Variants in MAP9 observed in about 807,000 individuals in gnomAD.
MAP9 encodes microtubule associated protein 9.
In MAP9, 80 loss-of-function variants were observed where a neutral mutation model predicts 75.2. The observed-to-expected ratio is 1.06, with a 90% CI of 0.89 to 1.28. The LOEUF (loss-of-function observed/expected upper bound fraction) is 1.28. MAP9 is among the 50% of genes most tolerant of loss of function. The pLI, the probability that MAP9 is intolerant of heterozygous loss-of-function variation, is 0.00. For synonymous variants in MAP9, 235 were observed against 237.3 expected, an observed-to-expected ratio of 0.99 and a Z score of 0.09; for missense variants, 753 against 719.9, an observed-to-expected ratio of 1.05 and a Z score of -0.53.
intron 2 of MAP9, 101 bp from the exon 3 acceptor site, chr4:155,375,122 A>T: frequency 3.6e-6 from 3 of 826,000 alleles, no homozygotes; most frequent in Non-Finnish European, 5.6e-6. Flanking sequence ...ACTGCTTTCA[A>T]ACTTAGGTTT....
chr4:155,355,599 C>G (rs1560805857), intron 9 of MAP9, 117 bp downstream of exon 9: 4 of 743,140 alleles, frequency 5.4e-6, no homozygotes, highest in Non-Finnish European at 6.0e-6. Context: ...AACTCTTTCT[C>G]AATAAATTTA....
chr4:155,368,606 A>G lies in MAP9; in HGVS notation c.688T>C (p.Ser230Pro). The part of the protein sequence containing the change: ...IQLEAEKKAF[S>P]ENLDPEDSCL... ...CTAACCTCAGGATCAAGGTTTTCAG[A>G]GAATGCTTTTTTCTCAGCTTCTAAT... The change falls in exon 5 of 14, where the codon TCT (serine) becomes CCT (proline). Residue 230 changes from serine to proline, a missense_variant. By Grantham distance (74) the Ser-to-Pro change is moderately conservative. Coordinates refer to ENST00000311277, the MANE Select transcript of MAP9 (RefSeq NM_001039580.2). 1 of 1,614,100 alleles carries G rather than the reference A, an allele frequency of 6.2e-7. No individual in the cohort carries two copies. Among genetic ancestry groups the G allele is most frequent in the Non-Finnish European group, 8.5e-7 (1 of 1,179,940 alleles).
chr4:155,357,123 A>G (rs1731829115), intron 8 of MAP9: 1 of 233,164 alleles, frequency 4.3e-6, no homozygotes, highest in Non-Finnish European at 8.2e-6. Flanking sequence ...TTCCAGAAGC[A>G]GTCTGGAGCA....
intron 7 of MAP9, 140 bp from the exon 8 acceptor site, chr4:155,357,659 G>A: frequency 1.6e-6 from 1 of 618,578 alleles, no homozygotes; most frequent in Non-Finnish European, 2.9e-6. Context: ...GCAAATCAGT[G>A]AATAAAATGC....
intron 5 of MAP9, chr4:155,362,403 A>AT (rs1732130867): frequency 1.7e-5 from 5 of 295,832 alleles, no homozygotes; most frequent in South Asian, 1.1e-4. Flanking sequence ...CTCTCTATTT[A>AT]TTTTTTACCA....
rs1378789967 is a variant in MAP9 at position 155,343,025 on chromosome 4, C to T, written c.*4758G>A. 5 of 151,842 alleles carry T rather than the reference C, an allele frequency of 3.3e-5. No individual in the cohort carries two copies. Among genetic ancestry groups the T allele is most frequent in the Admixed American group, 3.3e-4 (5 of 15,240 alleles). The allele number at this position is 151,842 out of a possible 1,614,324, so 9.4% of individuals were successfully genotyped here. A position where few individuals can be genotyped will look rare whatever the true frequency, so the allele number is the denominator to read the frequency against. On this transcript the variant is annotated 3_prime_UTR_variant, in exon 14 of 14. Transcript: ENST00000311277. ...CCCATTAACAATGAAATTGTAGTTA[C>T]AGCATCTAAAATTATTAGAAAATTA...
chr4:155,362,992 G>C (rs1732157658), intron 5 of MAP9: 1 of 152,092 alleles, frequency 6.6e-6, no homozygotes. Context: ...TGCAGCTCAA[G>C]TAATAGAAGG....
intron 13 of MAP9, 116 bp downstream of exon 13, chr4:155,352,480 C>A: frequency 2.0e-6 from 2 of 1,012,308 alleles, no homozygotes; most frequent in Non-Finnish European, 2.9e-6. Flanking sequence ...TTCAACAAAG[C>A]AGATTCCAGG....
At chr4:155,350,918 T>C (rs1337930615) in intron 13 of MAP9, 2 of 152,038 alleles carry the variant, frequency 1.3e-5, no homozygotes, top group African/African-American at 2.4e-5. Flanking sequence ...ATTTTCTTTA[T>C]GTTGGTCTGG....
At chr4:155,366,328 C>T (rs1052470527) in intron 5 of MAP9, among the ~76,000 whole-genome samples, 1 of 148,556 alleles carries the variant, frequency 6.7e-6, no homozygotes, top group African/African-American at 2.5e-5. Flanking sequence ...CACTGCACTC[C>T]AGCCTGGGCG....
At chr4:155,374,276 T>C (rs779308253) in intron 3 of MAP9, among the ~76,000 whole-genome samples, 2 of 151,898 alleles carry the variant, frequency 1.3e-5, no homozygotes, top group Admixed American at 6.6e-5. Context: ...GAGGTGGAGG[T>C]TGCAGTGAGC....
chr4:155,371,384 CTTA>C (rs1732587417), intron 4 of MAP9, among the ~76,000 whole-genome samples: 4 of 151,660 alleles, frequency 2.6e-5, no homozygotes, highest in Admixed American at 6.6e-5. Context: ...CATTTAAATA[CTTA>C]TTATATATGC....
At position 155,347,606 on chromosome 4, in the gene MAP9, C is replaced by T. The variant is rs574160895; in HGVS notation, c.*177G>A. 1.8e-6 allele frequency: 1 copy of T among 551,968 alleles called. No homozygotes were observed. Among genetic ancestry groups the T allele is most frequent in the Non-Finnish European group, 3.1e-6 (1 of 326,114 alleles). 34.2% of individuals were successfully genotyped at this position (551,968 alleles called of 1,614,324 possible). A position where few individuals can be genotyped will look rare whatever the true frequency, so the allele number is the denominator to read the frequency against. Reference sequence around the variant, plus strand: ...GTCTTTGTTTGAGGCAGTTTATCTACAGTTCAAAAAAATGCTTTCACTGAT... The same window carrying T: ...GTCTTTGTTTGAGGCAGTTTATCTATAGTTCAAAAAAATGCTTTCACTGAT... On this transcript the variant is annotated 3_prime_UTR_variant, in exon 14 of 14. Coordinates refer to ENST00000311277, the MANE Select transcript of MAP9 (RefSeq NM_001039580.2).
chr4:155,369,329 A>T (rs1425056884), intron 4 of MAP9, among the ~76,000 whole-genome samples: 1 of 38,716 alleles, frequency 2.6e-5, no homozygotes, highest in East Asian at 5.8e-4. Context: ...AAATCCATCT[A>T]AAAAAAAAAA....
intron 9 of MAP9, 32 bp downstream of exon 9, chr4:155,355,681 ATTC>A (rs761348496): frequency 2.0e-6 from 3 of 1,520,970 alleles, no homozygotes; most frequent in East Asian, 4.5e-5. Context: ...GAAAGTGATC[ATTC>A]TTCTTCTCTT....
intron 4 of MAP9, among the ~76,000 whole-genome samples, chr4:155,371,300 C>A (rs555015479): frequency 6.6e-6 from 1 of 151,570 alleles, no homozygotes; most frequent in African/African-American, 2.4e-5. Context: ...AAAAAAAAGT[C>A]AAAGAATTTA....
intron 7 of MAP9, 61 bp downstream of exon 7, chr4:155,360,107 T>G: frequency 6.7e-7 from 1 of 1,485,312 alleles, no homozygotes; most frequent in South Asian, 1.2e-5. Context: ...AGATAAAATT[T>G]CTTAAAGTTC....
Position 155,357,259 on chromosome 4 carries a change from A to C in MAP9, c.1121+190T>G, listed in dbSNP as rs1731834092. On this transcript the variant is annotated intron_variant, in intron 8 of 13. Coordinates refer to ENST00000311277, the MANE Select transcript of MAP9 (RefSeq NM_001039580.2). ...ATCAGTAATAGACTTACTTTTTATA[A>C]ATTACTTTATTTCAAATAATATCAT... 6 of 556,282 alleles carry C rather than the reference A, an allele frequency of 1.1e-5. No individual in the cohort carries two copies. The South Asian group carries it at 1.2e-4, about 11-fold the overall frequency. The allele number at this position is 556,282 out of a possible 1,614,324, so 34.5% of individuals were successfully genotyped here.
At chr4:155,367,032 C>A (rs1033500160) in intron 5 of MAP9, among the ~76,000 whole-genome samples, 1 of 152,132 alleles carries the variant, frequency 6.6e-6, no homozygotes, top group Non-Finnish European at 1.5e-5. Flanking sequence ...CAAATCACAT[C>A]CCACAATAAA....
Sources: gnomAD v4.1 joint callset for allele counts (sites outside exome capture counted in the v4.1 genomes callset) on GRCh38, gnomAD v4.1.1 for gene constraint, MANE v1.5 for transcripts, NCBI Gene and HGNC (gene_info 2026-07-23, HGNC 2026-07-21) for gene names.